Variants in TOX observed in about 807,000 individuals in gnomAD.
TOX encodes thymocyte selection associated high mobility group box, also known as thymocyte selection-associated high mobility group box protein TOX.
A neutral mutation model predicts 53.7 loss-of-function variants in TOX; 11 were observed. That is an observed-to-expected ratio of 0.20 (90% CI 0.13 to 0.34). TOX has a LOEUF of 0.34. Ranked by LOEUF, TOX falls within the 10% of genes least tolerant of loss-of-function variation. The pLI, the probability that TOX is intolerant of heterozygous loss-of-function variation, is 1.00. For missense variants in TOX, 570 were observed against 664.6 expected (o/e 0.86, Z 1.56); for synonymous variants, 225 against 245.3 (o/e 0.92, Z 0.77).
chr8:58,980,459 A>T (rs1813182665), intron 1 of TOX, among the ~76,000 whole-genome samples: 1 of 152,222 alleles, frequency 6.6e-6, no homozygotes, highest in South Asian at 2.1e-4. Context: ...TCTTGAACCT[A>T]CTCGTAAACT....
At chr8:58,967,213 A>G (rs1258735687) in intron 1 of TOX, among the ~76,000 whole-genome samples, 3 of 152,344 alleles carry the variant, frequency 2.0e-5, no homozygotes, top group Non-Finnish European at 4.4e-5. Context: ...TCACTTAGTA[A>G]GCTCTACAAG....
chr8:59,045,292 GA>G (rs1803663272), intron 1 of TOX, among the ~76,000 whole-genome samples: 1 of 152,106 alleles, frequency 6.6e-6, no homozygotes, highest in Non-Finnish European at 1.5e-5. Flanking sequence ...TTTCAAATAT[GA>G]AAGAGAGTTT....
At chr8:58,853,271 A>C (rs1418850951) in intron 3 of TOX, among the ~76,000 whole-genome samples, 1 of 152,154 alleles carries the variant, frequency 6.6e-6, no homozygotes, top group Non-Finnish European at 1.5e-5. Flanking sequence ...TCTAAGTCCG[A>C]ATCAACGTTT....
At chr8:58,867,859 T>C (rs906526189) in intron 3 of TOX, among the ~76,000 whole-genome samples, 1 of 152,180 alleles carries the variant, frequency 6.6e-6, no homozygotes, top group African/African-American at 2.4e-5. Context: ...TTCAGGCACA[T>C]TGAAGAACCA....
At chr8:58,844,673 T>A (rs1298995246) in intron 4 of TOX, among the ~76,000 whole-genome samples, 1 of 152,080 alleles carries the variant, frequency 6.6e-6, no homozygotes, top group Non-Finnish European at 1.5e-5. Context: ...GAAACAAACA[T>A]AGAAATTGTA....
intron 1 of TOX, among the ~76,000 whole-genome samples, chr8:59,073,227 T>C (rs1245881963): frequency 2.6e-5 from 4 of 152,182 alleles, no homozygotes; most frequent in Admixed American, 2.6e-4. Context: ...TGTAAACCTC[T>C]ATCTGCGCTT....
chr8:58,997,765 T>C (rs1813587604), intron 1 of TOX, among the ~76,000 whole-genome samples: 1 of 152,176 alleles, frequency 6.6e-6, no homozygotes, highest in Non-Finnish European at 1.5e-5. Context: ...AGTAGGATTA[T>C]ACATTTGGAA....
intron 1 of TOX, among the ~76,000 whole-genome samples, chr8:59,091,514 C>G (rs112156453): frequency 5.4e-5 from 8 of 149,266 alleles, no homozygotes; most frequent in Non-Finnish European, 1.2e-4. Flanking sequence ...ACAATATAGA[C>G]AGACAGATCT....
rs1810154825 is a variant in TOX at position 58,815,341 on chromosome 8, C to T, written c.1389G>A (p.Gln463=). The T allele has an allele frequency of 2.5e-6, 4 of 1,593,138 alleles. No homozygotes were observed. The highest frequency in any genetic ancestry group is 3.4e-6 in the Non-Finnish European group (4 of 1,168,950). The part of the protein sequence containing the change: ...VQSALHSPTM[Q]QGFTLQPDYQ... Reference sequence around the variant, plus strand: ...AGTCCAGAGCCATTGCACTTACTTGCTGCATGGTGGGTGAGTGTAAGGCAG... The same window carrying T: ...AGTCCAGAGCCATTGCACTTACTTGTTGCATGGTGGGTGAGTGTAAGGCAG... Residue 463 remains glutamine (Q), a synonymous_variant, in exon 7 of 9, where the codon CAG becomes CAA. Transcript: ENST00000361421.
At chr8:58,898,546 T>G (rs1811686907) in intron 3 of TOX, among the ~76,000 whole-genome samples, 1 of 152,142 alleles carries the variant, frequency 6.6e-6, no homozygotes, top group African/African-American at 2.4e-5. Flanking sequence ...GCCAAAAAGC[T>G]TCAGGAACTA....
chr8:58,838,969 G>T (rs940484478), intron 4 of TOX, among the ~76,000 whole-genome samples: 1 of 152,002 alleles, frequency 6.6e-6, no homozygotes, highest in African/African-American at 2.4e-5. Flanking sequence ...CAAAGTGCTG[G>T]GATTACAGGT....
intron 3 of TOX, among the ~76,000 whole-genome samples, chr8:58,890,726 A>C (rs1811546673): frequency 6.6e-6 from 1 of 152,160 alleles, no homozygotes; most frequent in Non-Finnish European, 1.5e-5. Context: ...TGCTAGCAGA[A>C]AACCCTGGAC....
At position 59,117,114 on chromosome 8, in the gene TOX, T is replaced by C. The variant is rs1477828695; in HGVS notation, c.102+1772A>G. Among the ~76,000 whole-genome samples, 3 of 152,230 alleles carry C rather than the reference T, an allele frequency of 2.0e-5. No individual in the cohort carries two copies. The highest frequency in any genetic ancestry group is 2.9e-5 in the Non-Finnish European group (2 of 68,030). On this transcript the variant is annotated intron_variant, in intron 1 of 8. Coordinates refer to ENST00000361421, the MANE Select transcript of TOX (RefSeq NM_014729.3). This position sits in a 1 kb window ranked among gnomAD's most constrained non-coding sequence, Gnocchi z 4.6. ...ACTTAATAAGATTTGTCCAGTCTCATTGCCAAAATAGTTCTGAGCTTTTGG... is the reference window on the plus strand; with the variant it reads ...ACTTAATAAGATTTGTCCAGTCTCACTGCCAAAATAGTTCTGAGCTTTTGG...
chr8:59,032,688 A>G (rs1042049935), intron 1 of TOX, among the ~76,000 whole-genome samples: 1 of 152,210 alleles, frequency 6.6e-6, no homozygotes, highest in Non-Finnish European at 1.5e-5. Flanking sequence ...TCTAAGGTCA[A>G]TGTTATCTCA....
chr8:58,820,892 C>T (rs1354772934), intron 6 of TOX, among the ~76,000 whole-genome samples: 2 of 152,116 alleles, frequency 1.3e-5, no homozygotes, highest in Non-Finnish European at 2.9e-5. Flanking sequence ...TTCCATTGCT[C>T]TATAGTTATA....
At chr8:59,060,629 A>AAAAC (rs200698883) in intron 1 of TOX, among the ~76,000 whole-genome samples, 55 of 152,322 alleles carry the variant, frequency 3.6e-4, no homozygotes, top group East Asian at 3.5e-3. Context: ...TTCATCTCAA[A>AAAAC]AAACAAACAA....
chr8:58,939,549 GA>G lies in TOX; in HGVS notation c.169-6del. On this transcript the variant is annotated splice_region_variant and splice_polypyrimidine_tract_variant and intron_variant, in intron 2 of 8. Transcript: ENST00000361421. Reference sequence around the variant, plus strand: ...CAGGCTTGGACCAGGGTAGGACTGTGAAAAGACAAAAGTGACATTGTTGCAA... The same window carrying G: ...CAGGCTTGGACCAGGGTAGGACTGTGAAAGACAAAAGTGACATTGTTGCAA... 1 of 1,600,034 alleles carries G rather than the reference GA, an allele frequency of 6.2e-7. No individual in the cohort carries two copies. The highest frequency in any genetic ancestry group is 8.5e-7 in the Non-Finnish European group (1 of 1,171,488).
intron 2 of TOX, among the ~76,000 whole-genome samples, chr8:58,954,924 G>A (rs1448547): frequency 0.3 from 46,100 of 152,044 alleles, 7,321 homozygotes; most frequent in East Asian, 0.4. Context: ...GGAAGCAGGT[G>A]GGAGGTGATG....
chr8:59,040,200 G>A (rs1007511094), intron 1 of TOX, among the ~76,000 whole-genome samples: 13 of 151,034 alleles, frequency 8.6e-5, no homozygotes, highest in African/African-American at 3.1e-4. Flanking sequence ...GTAGTGGCGG[G>A]CGCCTGTAGT....
Sources: gnomAD v4.1 joint callset for allele counts (sites outside exome capture counted in the v4.1 genomes callset) on GRCh38, gnomAD v4.1.1 for gene constraint, Gnocchi (gnomAD v3.1) non-coding constraint, MANE v1.5 for transcripts, NCBI Gene and HGNC (gene_info 2026-07-23, HGNC 2026-07-21) for gene names.